Variants in MAGI2 observed in about 807,000 individuals in gnomAD.
The protein encoded by MAGI2 is membrane-associated guanylate kinase, WW and PDZ domain-containing protein 2.
A neutral mutation model predicts 133.3 loss-of-function variants in MAGI2; 35 were observed. The observed-to-expected ratio is 0.26, with a 90% CI of 0.20 to 0.35. The LOEUF is 0.35. Among genes scored for constraint, MAGI2 ranks in the 10% least tolerant of loss-of-function variants. The pLI is 1.00. For synonymous variants in MAGI2, 729 were observed against 710.6 expected (o/e 1.03, Z -0.41); for missense variants, 1,636 against 1,863.4 (o/e 0.88, Z 2.25).
intron 1 of MAGI2, among the ~76,000 whole-genome samples, chr7:79,250,997 C>A (rs1040507563): frequency 6.6e-6 from 1 of 152,154 alleles, no homozygotes; most frequent in African/African-American, 2.4e-5. Context: ...AAGTGACAGT[C>A]TCTTCAATAA....
Position 78,581,519 on chromosome 7 carries a change from G to T in MAGI2, c.538+45601C>A, listed in dbSNP as rs548847177. ...TAGAGACAAGAGCAATTCTTTAAGA[G>T]CAGTAACTTCACACATTTTATTTTC... On this transcript the variant is annotated intron_variant, in intron 3 of 21. Transcript: ENST00000354212. Among the ~76,000 whole-genome samples, 3 of 152,266 alleles carry T rather than the reference G, an allele frequency of 2.0e-5. No individual in the cohort carries two copies. In the South Asian group the frequency reaches 6.2e-4, roughly 32 times the overall value.
intron 2 of MAGI2, among the ~76,000 whole-genome samples, chr7:78,783,815 G>A (rs1216700221): frequency 6.6e-6 from 1 of 152,162 alleles, no homozygotes; most frequent in Admixed American, 6.5e-5. Flanking sequence ...AACTACTGTA[G>A]TGAAATCACG....
chr7:78,276,504 C>G (rs1186280083), intron 9 of MAGI2, among the ~76,000 whole-genome samples: 1 of 151,782 alleles, frequency 6.6e-6, no homozygotes, highest in Non-Finnish European at 1.5e-5. Flanking sequence ...CTAACATAAA[C>G]TTCAGTGTTT....
At position 79,186,746 on chromosome 7, in the gene MAGI2, C is replaced by T. The variant is rs940671825; in HGVS notation, c.302-179540G>A. Among the ~76,000 whole-genome samples, 596 of 94,430 alleles carry T rather than the reference C, an allele frequency of 6.3e-3. 11 individuals carry two copies. Among genetic ancestry groups the T allele is most frequent in the African/African-American group, 0.02 (570 of 28,820 alleles). The allele number at this position is 94,430 out of a possible 152,430, so 61.9% of individuals were successfully genotyped here. On this transcript the variant is annotated intron_variant, in intron 1 of 21. Transcript: ENST00000354212. ...ATACAAAAGTATATATATATTTATA[C>T]AAAAGTATATATATATATATATATA...
At chr7:78,046,122 A>G (rs1283917994) in intron 21 of MAGI2, among the ~76,000 whole-genome samples, 2 of 151,888 alleles carry the variant, frequency 1.3e-5, no homozygotes, top group African/African-American at 4.8e-5. Flanking sequence ...TGGGCCAGGC[A>G]CGGTGGCTCA....
At chr7:79,359,736 C>T (rs1274839770) in intron 1 of MAGI2, among the ~76,000 whole-genome samples, 1 of 150,314 alleles carries the variant, frequency 6.7e-6, no homozygotes, top group Admixed American at 6.6e-5. Flanking sequence ...AACTACCAAC[C>T]ACAAATTTTA....
intron 6 of MAGI2, among the ~76,000 whole-genome samples, chr7:78,480,250 A>G (rs1407443722): frequency 6.6e-6 from 1 of 151,928 alleles, no homozygotes; most frequent in Non-Finnish European, 1.5e-5. Flanking sequence ...AATTTTACCA[A>G]ATATTTAAAG....
intron 1 of MAGI2, among the ~76,000 whole-genome samples, chr7:79,373,166 A>G (rs1035787249): frequency 3.9e-5 from 6 of 152,018 alleles, no homozygotes; most frequent in Admixed American, 2.0e-4. Context: ...CAGATATTAC[A>G]TTTGTTTTTC....
chr7:78,649,304 C>T (rs1282745945), intron 2 of MAGI2, among the ~76,000 whole-genome samples: 1 of 134,096 alleles, frequency 7.5e-6, no homozygotes, highest in African/African-American at 2.8e-5. Flanking sequence ...TTAAAACAAA[C>T]TTGCCAGAAC....
intron 20 of MAGI2, among the ~76,000 whole-genome samples, chr7:78,113,358 G>C (rs944372929): frequency 6.6e-6 from 1 of 152,116 alleles, no homozygotes; most frequent in African/African-American, 2.4e-5. Flanking sequence ...GAAAGCTTTT[G>C]TAGCCTCTTG....
At chr7:78,500,160 T>C (rs975080896) in intron 5 of MAGI2, among the ~76,000 whole-genome samples, 2 of 152,228 alleles carry the variant, frequency 1.3e-5, no homozygotes, top group Admixed American at 6.5e-5. Flanking sequence ...ATGTAGTCCC[T>C]TGGTCGCATG....
intron 13 of MAGI2, chr7:78,184,720 C>T (rs889048588): frequency 2.6e-5 from 4 of 152,054 alleles, no homozygotes; most frequent in African/African-American, 9.7e-5. Flanking sequence ...AATATTTTAG[C>T]CTAAACCAAA....
At chr7:79,089,654 C>T (rs1202822683) in intron 1 of MAGI2, among the ~76,000 whole-genome samples, 1 of 151,982 alleles carries the variant, frequency 6.6e-6, no homozygotes, top group Non-Finnish European at 1.5e-5. Flanking sequence ...ATGTCTTTTG[C>T]AGGAACATGG....
chr7:78,810,274 C>A (rs1197795869), intron 2 of MAGI2, among the ~76,000 whole-genome samples: 1 of 151,826 alleles, frequency 6.6e-6, no homozygotes, highest in Non-Finnish European at 1.5e-5. Context: ...AAAAAGTATC[C>A]AGGAAGGGAT....
chr7:78,940,328 TAC>T (rs983582379), intron 2 of MAGI2: 3 of 152,156 alleles, frequency 2.0e-5, no homozygotes, highest in Non-Finnish European at 4.4e-5. Flanking sequence ...GATTAAAAAA[TAC>T]ACAGTCATGT....
intron 13 of MAGI2, among the ~76,000 whole-genome samples, chr7:78,183,455 G>A (rs1282814459): frequency 1.3e-5 from 2 of 151,718 alleles, no homozygotes; most frequent in Non-Finnish European, 2.9e-5. Context: ...TAGTAGAGAC[G>A]GGGTTTCACC....
Position 79,068,205 on chromosome 7 carries a change from T to C in MAGI2, c.302-60999A>G, listed in dbSNP as rs767071210. Among the ~76,000 whole-genome samples, 229 of 152,224 alleles carry C rather than the reference T, an allele frequency of 1.5e-3. 5 individuals are homozygous for C. The highest frequency in any genetic ancestry group is 3.4e-4 in the Non-Finnish European group (23 of 68,046). On this transcript the variant is annotated intron_variant, in intron 1 of 21. Coordinates refer to ENST00000354212, the MANE Select transcript of MAGI2 (RefSeq NM_012301.4). ...TACTAACTCCTCTTTGTACCTCTGG[T>C]AGAATTCGGCTGTGAATCCATCTGG...
intron 1 of MAGI2, among the ~76,000 whole-genome samples, chr7:79,193,958 TTTTG>T (rs375098993): frequency 3.2e-4 from 48 of 151,844 alleles, no homozygotes; most frequent in African/African-American, 7.8e-4. Context: ...GAAAATCTTT[TTTTG>T]TTTGTTTGTT....
chr7:78,712,512 C>G (rs1364195218), intron 2 of MAGI2, among the ~76,000 whole-genome samples: 2 of 152,126 alleles, frequency 1.3e-5, no homozygotes, highest in African/African-American at 4.8e-5. Flanking sequence ...AGTATCTTTG[C>G]TTTTTTATCA....
Sources: allele counts gnomAD v4.1 joint callset (sites outside exome capture counted in the v4.1 genomes callset), GRCh38; gene constraint gnomAD v4.1.1; transcripts MANE v1.5; gene names NCBI Gene and HGNC (gene_info 2026-07-23, HGNC 2026-07-21).